Variants in ASPH observed in about 807,000 individuals in gnomAD.
ASPH encodes the protein aspartyl/asparaginyl beta-hydroxylase.
A neutral mutation model predicts 118.4 loss-of-function variants in ASPH; 100 were observed. That is an observed-to-expected ratio of 0.84 (90% CI 0.72 to 1.00). ASPH has a LOEUF of 1.00. ASPH is among the 50% of genes least tolerant of loss of function. The pLI, the probability that ASPH is intolerant of heterozygous loss-of-function variation, is 0.00. For missense variants in ASPH, 920 were observed against 919.5 expected, an observed-to-expected ratio of 1.00 and a Z score of -0.01; for synonymous variants, 315 against 325.6, an observed-to-expected ratio of 0.97 and a Z score of 0.35.
intron 14 of ASPH, among the ~76,000 whole-genome samples, chr8:61,585,086 G>A (rs543361477): frequency 3.8e-4 from 58 of 152,286 alleles, no homozygotes; most frequent in Admixed American, 7.2e-4. Context: ...GGGTGGTACC[G>A]TGTCTTAAAA....
intron 1 of ASPH, chr8:61,689,885 T>C: frequency 7.7e-7 from 1 of 1,307,104 alleles, no homozygotes; most frequent in Non-Finnish European, 9.8e-7. Context: ...ACCAGTTATT[T>C]TTAGAGGCTA....
intron 18 of ASPH, among the ~76,000 whole-genome samples, chr8:61,561,938 C>T (rs1300352817): frequency 6.6e-6 from 1 of 152,068 alleles, no homozygotes; most frequent in African/African-American, 2.4e-5. Context: ...AAAACAAAAA[C>T]AAAAGCAAAA....
rs1405316223 is a variant in ASPH, at chr8:61,579,578, C to T, written c.1063-2720G>A. ...CTGGCGCAGGCTCCAGCTCCCTCAGCCGCACCAGTTCCTCCAGGGCCGTGG... is the reference window on the plus strand; with the variant it reads ...CTGGCGCAGGCTCCAGCTCCCTCAGTCGCACCAGTTCCTCCAGGGCCGTGG... On this transcript the variant is annotated intron_variant, in intron 15 of 24. Coordinates refer to ENST00000379454, the MANE Select transcript of ASPH (RefSeq NM_004318.4). The T allele has an allele frequency of 3.3e-6, 5 of 1,522,390 alleles. No homozygotes were observed. The African/African-American group carries it at 6.8e-5, about 21-fold the overall frequency. 94.3% of individuals were successfully genotyped at this position (1,522,390 alleles called of 1,614,324 possible).
intron 14 of ASPH, among the ~76,000 whole-genome samples, chr8:61,617,082 CTG>C (rs1335070742): frequency 6.6e-6 from 1 of 152,180 alleles, no homozygotes; most frequent in Non-Finnish European, 1.5e-5. Context: ...ATGTAGACAG[CTG>C]GACACACCAG....
At chr8:61,619,540 A>G (rs1478148382) in intron 13 of ASPH, among the ~76,000 whole-genome samples, 2 of 152,308 alleles carry the variant, frequency 1.3e-5, no homozygotes, top group East Asian at 3.9e-4. Flanking sequence ...TGAAGCCCAG[A>G]TGAGAAGCCA....
intron 18 of ASPH, among the ~76,000 whole-genome samples, chr8:61,560,100 C>A (rs1829285887): frequency 6.6e-6 from 1 of 152,206 alleles, no homozygotes; most frequent in African/African-American, 2.4e-5. Flanking sequence ...CATGTGGGCA[C>A]ATTCTGCGTG....
chr8:61,689,555 T>C (rs1214155752), intron 1 of ASPH: 11 of 945,272 alleles, frequency 1.2e-5, no homozygotes, highest in Admixed American at 2.9e-5. Flanking sequence ...ATAGAAAATG[T>C]AGACAGTACA....
chr8:61,580,028 C>T (rs2132335139), intron 15 of ASPH, among the ~76,000 whole-genome samples: 1 of 152,192 alleles, frequency 6.6e-6, no homozygotes, highest in East Asian at 1.9e-4. Context: ...GAAATCATCT[C>T]CTTTGACTCC....
chr8:61,706,720 A>G (rs948723378), intron 1 of ASPH, among the ~76,000 whole-genome samples: 2 of 152,230 alleles, frequency 1.3e-5, no homozygotes, highest in Admixed American at 6.5e-5. Context: ...ATAGTGAAAA[A>G]GGCAGGGTAG....
chr8:61,543,851 C>G (rs1209276903), intron 21 of ASPH, among the ~76,000 whole-genome samples: 1 of 152,122 alleles, frequency 6.6e-6, no homozygotes, highest in Non-Finnish European at 1.5e-5. Context: ...TGTGAAATCT[C>G]TATTGCCTGT....
chr8:61,589,447 G>T (rs530266717), intron 14 of ASPH, among the ~76,000 whole-genome samples: 1 of 152,260 alleles, frequency 6.6e-6, no homozygotes, highest in South Asian at 2.1e-4. Context: ...ACTCACCCAT[G>T]TTTAAGACAC....
intron 10 of ASPH, among the ~76,000 whole-genome samples, 170 bp from the exon 11 acceptor site, chr8:61,638,533 T>C (rs1441897779): frequency 6.6e-6 from 1 of 152,146 alleles, no homozygotes; most frequent in African/African-American, 2.4e-5. Flanking sequence ...TGGTCTAGGG[T>C]AAAACAGGCC....
Position 61,556,020 on chromosome 8 carries a change from C to T in ASPH, c.1440G>A (p.Val480=). The T allele has an allele frequency of 3.1e-6, 5 of 1,613,066 alleles. No individual in the cohort carries two copies. The highest frequency in any genetic ancestry group is 2.5e-6 in the Non-Finnish European group (3 of 1,179,486). The change falls in exon 19 of 25, where the codon GTG becomes GTA. Residue 480 remains valine, a splice_region_variant and synonymous_variant. Transcript: ENST00000379454. Reference sequence around the variant, plus strand: ...AGCCATCATTAGGTGTCACACTCAGCACCTAAACTCAAAGAAAACACAGAA... The same window carrying T: ...AGCCATCATTAGGTGTCACACTCAGTACCTAAACTCAAAGAAAACACAGAA... ...NDNAKKVYEE[V]LSVTPNDGFA...
chr8:61,551,632 T>C (rs1826055121), intron 20 of ASPH, among the ~76,000 whole-genome samples: 1 of 152,162 alleles, frequency 6.6e-6, no homozygotes, highest in South Asian at 2.1e-4. Flanking sequence ...ATCTAAGATG[T>C]GAGATAAATC....
At chr8:61,507,634 G>C (rs1434540425) in intron 24 of ASPH, among the ~76,000 whole-genome samples, 32 of 135,412 alleles carry the variant, frequency 2.4e-4, no homozygotes. Flanking sequence ...GGTTAAATTC[G>C]AGATGTATCA....
chr8:61,693,593 G>A (rs1433445072), intron 1 of ASPH, among the ~76,000 whole-genome samples: 1 of 151,634 alleles, frequency 6.6e-6, no homozygotes, highest in Admixed American at 6.6e-5. Context: ...AGACTCCCAC[G>A]GCCACCACCA....
intron 14 of ASPH, among the ~76,000 whole-genome samples, chr8:61,589,423 T>C (rs368187640): frequency 6.6e-6 from 1 of 152,312 alleles, no homozygotes; most frequent in African/African-American, 2.4e-5. Context: ...CAAAAATCTT[T>C]TGGGAGGTAA....
chr8:61,676,416 A>G, intron 3 of ASPH: 1 of 1,133,590 alleles, frequency 8.8e-7, no homozygotes, highest in Non-Finnish European at 1.2e-6. Flanking sequence ...GAGGTGCATC[A>G]AGGTCAGAGA....
At chr8:61,674,659 C>T (rs1053706541) in intron 3 of ASPH, among the ~76,000 whole-genome samples, 8 of 152,170 alleles carry the variant, frequency 5.3e-5, no homozygotes, top group African/African-American at 1.4e-4. Context: ...CCCATGCTGA[C>T]TTGAGGCTGC....
Sources: gnomAD v4.1 joint callset for allele counts (sites outside exome capture counted in the v4.1 genomes callset) on GRCh38, gnomAD v4.1.1 for gene constraint, MANE v1.5 for transcripts, NCBI Gene and HGNC (gene_info 2026-07-23, HGNC 2026-07-21) for gene names.